Variants in TMEM52B observed in about 807,000 individuals in gnomAD.
TMEM52B encodes the protein transmembrane protein 52B, also known as chromosome 12 open reading frame 59.
TMEM52B carries 11 observed loss-of-function variants against 16.1 expected under a neutral mutation model. The observed-to-expected ratio is 0.68, with a 90% CI of 0.43 to 1.13. The LOEUF is 1.13. Ranked by LOEUF, TMEM52B falls within the 50% of genes most tolerant of loss-of-function variation. TMEM52B has a pLI of 0.00. For synonymous variants in TMEM52B, 101 were observed against 93.8 expected (o/e 1.08, Z -0.45); for missense variants, 243 against 230.4 (o/e 1.05, Z -0.35).
chr12:10,171,908 G>T, intron 1 of TMEM52B: 1 of 848,434 alleles, frequency 1.2e-6, no homozygotes, highest in East Asian at 2.5e-5. Flanking sequence ...CCATACTTGG[G>T]TGTTTAGCTT....
chr12:10,180,882 T>G (rs1233737730), intron 1 of TMEM52B, among the ~76,000 whole-genome samples: 1 of 152,222 alleles, frequency 6.6e-6, no homozygotes, highest in African/African-American at 2.4e-5. Context: ...CTTGGCTGAC[T>G]GCAACCTCCG....
chr12:10,189,649 G>A (rs1211192377), intron 4 of TMEM52B, among the ~76,000 whole-genome samples: 1 of 149,676 alleles, frequency 6.7e-6, no homozygotes, highest in Non-Finnish European at 1.5e-5. Context: ...AAAAGAGAGA[G>A]AGAGAGATAC....
intron 1 of TMEM52B, among the ~76,000 whole-genome samples, chr12:10,180,200 A>G (rs1948805978): frequency 6.6e-6 from 1 of 152,052 alleles, no homozygotes; most frequent in African/African-American, 2.4e-5. Context: ...ATCTAGCAAG[A>G]AGGAGAGCAA....
intron 3 of TMEM52B, among the ~76,000 whole-genome samples, chr12:10,186,115 A>T (rs1343993177): frequency 1.3e-5 from 2 of 152,000 alleles, no homozygotes; most frequent in Non-Finnish European, 2.9e-5. Flanking sequence ...AGATCGTGCC[A>T]CTTCACTCCA....
intron 1 of TMEM52B, 82 bp downstream of exon 1, chr12:10,179,710 T>A: frequency 2.0e-6 from 3 of 1,534,380 alleles, no homozygotes; most frequent in Non-Finnish European, 1.8e-6. Flanking sequence ...GGAAATGAAC[T>A]GCGGGGTGGG....
intron 2 of TMEM52B, among the ~76,000 whole-genome samples, chr12:10,183,698 CAT>C (rs1948849223): frequency 6.6e-6 from 1 of 151,958 alleles, no homozygotes; most frequent in African/African-American, 2.4e-5. Flanking sequence ...TTACAATTGC[CAT>C]AGTGAACTCA....
At chr12:10,182,034 A>C (rs1198435603) in intron 1 of TMEM52B, 48 of 248,778 alleles carry the variant, frequency 1.9e-4, no homozygotes, top group South Asian at 1.5e-3. Context: ...AAAAAAAAAA[A>C]AAAAAACAAA....
upstream of TMEM52B, among the ~76,000 whole-genome samples, chr12:10,178,522 CAAAA>C (rs56217145): frequency 2.7e-5 from 3 of 109,758 alleles, no homozygotes; most frequent in East Asian, 3.4e-4. Context: ...GACTCCGTCT[CAAAA>C]AAAAAAAAAA....
chr12:10,182,292 C>T (rs1002824361), intron 1 of TMEM52B: 1 of 985,312 alleles, frequency 1.0e-6, no homozygotes, highest in Non-Finnish European at 1.2e-6. Context: ...ATGGCTACCT[C>T]TCATTCACAA....
Position 10,179,637 on chromosome 12 carries a change from A to C in TMEM52B, c.54+9A>C. ...TGCTGTATTTCATCCTGGTGAGTTCAGTGGTGAAAAGGCAGAAAGAGTATT... is the reference window on the plus strand; with the variant it reads ...TGCTGTATTTCATCCTGGTGAGTTCCGTGGTGAAAAGGCAGAAAGAGTATT... On this transcript the variant is annotated intron_variant, in intron 1 of 4. Coordinates refer to ENST00000543484, the MANE Select transcript of TMEM52B (RefSeq NM_001384896.1). The C allele has an allele frequency of 6.2e-7, 1 of 1,614,184 alleles. No individual in the cohort carries two copies. The highest frequency in any genetic ancestry group is 2.2e-5 in the East Asian group (1 of 44,868).
chr12:10,174,150 T>C (rs751371119), upstream of TMEM52B, among the ~76,000 whole-genome samples: 60 of 152,252 alleles, frequency 3.9e-4, no homozygotes, highest in Middle Eastern at 3.4e-3. Context: ...AACCTCCGCC[T>C]CCTGGGTTCA....
intron 1 of TMEM52B, among the ~76,000 whole-genome samples, chr12:10,173,884 T>C (rs1350050988): frequency 6.6e-6 from 1 of 151,928 alleles, no homozygotes; most frequent in African/African-American, 2.4e-5. Context: ...GAACATAAAG[T>C]GTTTACCATT....
upstream of TMEM52B, chr12:10,178,907 A>G (rs1165909892): frequency 6.6e-6 from 1 of 152,162 alleles, no homozygotes; most frequent in East Asian, 1.9e-4. Context: ...GCAACCTCTC[A>G]GTCTTACCCC....
chr12:10,188,104 AAAC>A (rs955127995), intron 4 of TMEM52B, among the ~76,000 whole-genome samples: 9 of 152,142 alleles, frequency 5.9e-5, no homozygotes, highest in Admixed American at 2.0e-4. Flanking sequence ...CCCTGTCTCA[AAAC>A]AACAACAACA....
chr12:10,180,281 T>TG (rs1565426044), intron 1 of TMEM52B, among the ~76,000 whole-genome samples: 2 of 151,576 alleles, frequency 1.3e-5, no homozygotes, highest in African/African-American at 4.8e-5. Flanking sequence ...GTTTGTTTTT[T>TG]TTTTTTTTTT....
intron 1 of TMEM52B, 101 bp downstream of exon 1, chr12:10,179,729 T>C (rs1167133444): frequency 2.1e-6 from 3 of 1,396,396 alleles, no homozygotes; most frequent in South Asian, 1.2e-5. Flanking sequence ...GGGAGACATA[T>C]ACAGAACCCA....
At chr12:10,188,575 G>GAA (rs1948913859) in intron 4 of TMEM52B, among the ~76,000 whole-genome samples, 1 of 135,666 alleles carries the variant, frequency 7.4e-6, no homozygotes, top group Non-Finnish European at 1.6e-5. Flanking sequence ...AAAAGAAAAA[G>GAA]AAAAAAGATA....
Position 10,189,950 on chromosome 12 carries a change from C to T in TMEM52B, c.362C>T (p.Ser121Phe), listed in dbSNP as rs780391062. The change falls in exon 5 of 5, where the codon TCC becomes TTC. Residue 121 changes from serine to phenylalanine, a missense_variant. Coordinates refer to ENST00000543484, the MANE Select transcript of TMEM52B (RefSeq NM_001384896.1). ...AARRILAVAH[S>F]HSSLGQLPSS... is the part of the protein sequence containing the mutation. The stretch of plus-strand genomic sequence containing the variant: ...CGGAGGATCCTGGCTGTGGCTCACT[C>T]CCACAGCTCCCTGGGCCAGCTGCCC... 2.5e-6 allele frequency: 4 copies of T among 1,614,174 alleles called. No homozygotes were observed. In the South Asian group the frequency reaches 3.3e-5, roughly 13 times the overall value.
In TMEM52B at chr12:10,179,224, C is replaced by T; in HGVS notation, c.-351C>T. ...TTCATTCAGAGGACACATATGTCCT[C>T]TTTGAATGTCTCCTTTTTGGGAGCA... On this transcript the variant is annotated 5_prime_UTR_variant, in exon 1 of 5. Transcript: ENST00000543484. The T allele has an allele frequency of 3.7e-6, 1 of 273,758 alleles. No homozygotes were observed. Among genetic ancestry groups the T allele is most frequent in the South Asian group, 5.1e-5 (1 of 19,614 alleles). 17.0% of individuals were successfully genotyped at this position (273,758 alleles called of 1,614,324 possible).
Sources: gnomAD v4.1 joint callset for allele counts (sites outside exome capture counted in the v4.1 genomes callset) on GRCh38, gnomAD v4.1.1 for gene constraint, MANE v1.5 for transcripts, NCBI Gene and HGNC (gene_info 2026-07-23, HGNC 2026-07-21) for gene names.